EMG1: variants seen among roughly 807,000 people sequenced by gnomAD.
EMG1 encodes EMG1 N1-specific pseudouridine methyltransferase.
Under a neutral mutation model 26.9 loss-of-function variants are expected in EMG1, and 24 were observed. The observed-to-expected ratio is 0.89, with a 90% CI of 0.65 to 1.26. The LOEUF (loss-of-function observed/expected upper bound fraction) is 1.26. EMG1 is among the 50% of genes most tolerant of loss of function. The pLI is 0.00. For synonymous variants in EMG1, 140 were observed against 112.6 expected, an observed-to-expected ratio of 1.24 and a Z score of -1.54; for missense variants, 299 against 307.6, an observed-to-expected ratio of 0.97 and a Z score of 0.21.
chr12:6,973,617 G>A (rs1555152567), intron 1 of EMG1, among the ~76,000 whole-genome samples: 1 of 151,814 alleles, frequency 6.6e-6, no homozygotes, highest in African/African-American at 2.4e-5. Flanking sequence ...GTGCAGTGGC[G>A]CTGCAAGCTC....
downstream of EMG1, chr12:6,981,165 C>T: frequency 1.2e-6 from 2 of 1,609,622 alleles, no homozygotes; most frequent in East Asian, 4.5e-5. Context: ...ATTTCTGTTG[C>T]TCAGAGGACA....
At chr12:6,974,737 GA>G (rs781943238) in intron 3 of EMG1, 44 bp downstream of exon 3, 2 of 1,605,588 alleles carry the variant, frequency 1.2e-6, no homozygotes, top group South Asian at 2.2e-5. Flanking sequence ...TGTCAGTAGG[GA>G]AGAAGGGAGG....
rs1203550655 is a variant in EMG1 at position 6,979,383 on chromosome 12, C to G, written c.*3574C>G. The G allele has an allele frequency of 1.0e-6, 1 of 970,148 alleles. No individual in the cohort carries two copies. The highest frequency in any genetic ancestry group is 1.6e-6 in the Non-Finnish European group (1 of 617,912). The allele number at this position is 970,148 out of a possible 1,614,324, so 60.1% of individuals were successfully genotyped here. A position where few individuals can be genotyped will look rare whatever the true frequency, so the allele number is the denominator to read the frequency against. ...AACATGCACTTGTAGATGATATTTC[C>G]TACTTCTCTGCTATCTGTAGGGATC... On this transcript the variant is annotated 3_prime_UTR_variant, in exon 6 of 6. Coordinates refer to ENST00000599672, the MANE Select transcript of EMG1 (RefSeq NM_006331.8).
chr12:6,971,009 G>C lies in EMG1; in HGVS notation c.86G>C (p.Arg29Pro). The C allele has an allele frequency of 6.2e-7, 1 of 1,611,836 alleles. No homozygotes were observed. Among genetic ancestry groups the C allele is most frequent in the East Asian group, 2.2e-5 (1 of 44,828 alleles). The part of the protein sequence containing the change: ...AQDWDALPPK[R>P]PRLGAGNKIG... ...GACTGGGATGCTCTGCCACCCAAGCGGCCCCGACTAGGGGCAGGAAACAAG... is the reference window on the plus strand; with the variant it reads ...GACTGGGATGCTCTGCCACCCAAGCCGCCCCGACTAGGGGCAGGAAACAAG... Residue 29 changes from arginine to proline, a missense_variant, in exon 1 of 6, where the codon CGG becomes CCG. Physicochemically the swap from Arg to Pro is moderately radical, Grantham distance 103. Coordinates refer to ENST00000599672, the MANE Select transcript of EMG1 (RefSeq NM_006331.8).
rs1341070204 is a variant in EMG1 at position 6,974,617 on chromosome 12, A to G, written c.336A>G (p.Thr112=). The change falls in exon 3 of 6, where the codon ACA becomes ACG. Residue 112 remains threonine (T), a synonymous_variant. Transcript: ENST00000599672. ...GCTTGCTACAGGTTTATATCCATAC[A>G]CAGAAGAATGTTCTGATTGAAGTGA... The part of the protein sequence containing the change: ...RAGLLQVYIH[T]QKNVLIEVNP... 2 of 1,613,984 alleles carry G rather than the reference A, an allele frequency of 1.2e-6. No homozygotes were observed. The highest frequency in any genetic ancestry group is 1.7e-6 in the Non-Finnish European group (2 of 1,179,878).
Position 6,978,381 on chromosome 12 carries a change from T to C in EMG1, c.*2572T>C. 5 of 1,613,566 alleles carry C rather than the reference T, an allele frequency of 3.1e-6. No homozygotes were observed. The highest frequency in any genetic ancestry group is 4.2e-6 in the Non-Finnish European group (5 of 1,179,820). ...TTGGTGTTGATGTTGAATGAGGCAATGGTGCCAGTGAAGCGGGGGTTTGTT... is the reference window on the plus strand; with the variant it reads ...TTGGTGTTGATGTTGAATGAGGCAACGGTGCCAGTGAAGCGGGGGTTTGTT... On this transcript the variant is annotated 3_prime_UTR_variant, in exon 6 of 6. Transcript: ENST00000599672.
chr12:6,982,796 G>A (rs782518117), downstream of EMG1: 4 of 1,577,658 alleles, frequency 2.5e-6, no homozygotes, highest in Non-Finnish European at 3.5e-6. Flanking sequence ...GATGCAAGAA[G>A]AGAGAATTTA....
downstream of EMG1, among the ~76,000 whole-genome samples, chr12:6,990,976 TCAGTAAAAATATTAA>T: frequency 6.6e-6 from 1 of 150,896 alleles, no homozygotes; most frequent in Admixed American, 6.6e-5. Context: ...TATGATTAAT[TCAGTAAAAATATTAA>T]CAGTAAAACT....
rs1555153360 is a variant in EMG1, at chr12:6,977,230, G to A, written c.*1421G>A. On this transcript the variant is annotated 3_prime_UTR_variant, in exon 6 of 6. Transcript: ENST00000599672. This position sits in a 1 kb window ranked among gnomAD's most constrained non-coding sequence, Gnocchi z 4.5. Reference sequence around the variant, plus strand: ...ATATGAATAGTAGGCTCAGGAAGAAGATGTGGCCAAGGAAATAGATGGATT... The same window carrying A: ...ATATGAATAGTAGGCTCAGGAAGAAAATGTGGCCAAGGAAATAGATGGATT... 6.2e-7 allele frequency: 1 copy of A among 1,613,992 alleles called. No homozygotes were observed. Among genetic ancestry groups the A allele is most frequent in the Admixed American group, 1.7e-5 (1 of 60,024 alleles).
chr12:6,979,603 C>T lies in EMG1; in HGVS notation c.*3794C>T. On this transcript the variant is annotated 3_prime_UTR_variant, in exon 6 of 6. Coordinates refer to ENST00000599672, the MANE Select transcript of EMG1 (RefSeq NM_006331.8). The stretch of plus-strand genomic sequence containing the variant: ...TGCTGGAAAGGAACGAGTGAAGTTC[C>T]TGGTCACAGAGAGCAGAGACTATTC... 6.6e-7 allele frequency: 1 copy of T among 1,515,118 alleles called. No individual in the cohort carries two copies. The allele number at this position is 1,515,118 out of a possible 1,614,324, so 93.9% of individuals were successfully genotyped here. A position where few individuals can be genotyped will look rare whatever the true frequency, so the allele number is the denominator to read the frequency against.
downstream of EMG1, among the ~76,000 whole-genome samples, chr12:6,991,243 C>A (rs991505055): frequency 3.9e-5 from 6 of 152,142 alleles, no homozygotes; most frequent in Non-Finnish European, 7.4e-5. Context: ...TTTACACAGA[C>A]AGAGAAAGTA....
downstream of EMG1, chr12:6,982,004 T>A: frequency 1.4e-6 from 1 of 702,776 alleles, no homozygotes; most frequent in Non-Finnish European, 2.5e-6. Context: ...CCTCATCCCA[T>A]CATTAAAAGC....
rs1228664447 is a variant in EMG1 at position 6,977,095 on chromosome 12, T to C, written c.*1286T>C. 1.4e-5 allele frequency: 18 copies of C among 1,246,752 alleles called. No homozygotes were observed. The highest frequency in any genetic ancestry group is 1.9e-5 in the Non-Finnish European group (16 of 847,336). The allele number at this position is 1,246,752 out of a possible 1,614,324, so 77.2% of individuals were successfully genotyped here. On this transcript the variant is annotated 3_prime_UTR_variant, in exon 6 of 6. Coordinates refer to ENST00000599672, the MANE Select transcript of EMG1 (RefSeq NM_006331.8). This position sits in a 1 kb window ranked among gnomAD's most constrained non-coding sequence, Gnocchi z 4.5. ...TTTTCCAGTCTGTTGCTCTATTCTG[T>C]AACCTGGTGGTAGTTTTAGTTTAGC... is the stretch of plus-strand genomic sequence containing the variant.
chr12:6,980,906 C>CT (rs1946463983), downstream of EMG1: 1 of 1,257,196 alleles, frequency 8.0e-7, no homozygotes. Context: ...ACTCAGGTCT[C>CT]TATGCCAGGG....
intron 2 of EMG1, 40 bp from the exon 3 acceptor site, chr12:6,974,512 T>C (rs374746885): frequency 4.3e-6 from 7 of 1,609,516 alleles, no homozygotes; most frequent in Non-Finnish European, 6.0e-6. Context: ...GTGCTGCCTC[T>C]CTTCAGCCTT....
chr12:6,977,477 T>C lies in EMG1; in HGVS notation c.*1668T>C. 6.2e-7 allele frequency: 1 copy of C among 1,614,170 alleles called. No individual in the cohort carries two copies. Among genetic ancestry groups the C allele is most frequent in the Admixed American group, 1.7e-5 (1 of 60,024 alleles). On this transcript the variant is annotated 3_prime_UTR_variant, in exon 6 of 6. Transcript: ENST00000599672. The surrounding 1 kb of genome is among the most constrained non-coding windows in gnomAD (Gnocchi z 4.5). ...TAGTAGAAGGGCTGGAGGACAGTAA[T>C]GGCGGCCAGCTTGCTCAGGGTGGGG...
At chr12:6,973,775 C>T (rs1185564081) in intron 1 of EMG1, among the ~76,000 whole-genome samples, 1 of 152,036 alleles carries the variant, frequency 6.6e-6, no homozygotes, top group Non-Finnish European at 1.5e-5. Flanking sequence ...ATCTCCTGAC[C>T]TTGTGATCTG....
At chr12:6,971,141 C>T (rs782801340) in intron 1 of EMG1, 50 bp downstream of exon 1, 4 of 1,500,438 alleles carry the variant, frequency 2.7e-6, no homozygotes, top group South Asian at 2.4e-5. Flanking sequence ...GGTTGGGACT[C>T]CGTGGAATGA....
rs1946543862 is a variant in EMG1, at chr12:6,987,879, T to C, written c.*211+41T>C. 3 of 400,614 alleles carry C rather than the reference T, an allele frequency of 7.5e-6. No individual in the cohort carries two copies. Among genetic ancestry groups the C allele is most frequent in the South Asian group, 2.5e-4 (2 of 7,948 alleles). The allele number at this position is 400,614 out of a possible 1,614,324, so 24.8% of individuals were successfully genotyped here. ...TGCCTGACTCTAACAAGGCCTACAC[T>C]GTCCTGAGTTCTGAGTTCTTGTGTC... On this transcript the variant is annotated intron_variant and NMD_transcript_variant, in intron 7 of 7. Coordinates refer to the EMG1 transcript ENST00000261406. The surrounding 1 kb of genome is among the most constrained non-coding windows in gnomAD (Gnocchi z 4.1).
Sources: allele counts gnomAD v4.1 joint callset (sites outside exome capture counted in the v4.1 genomes callset), GRCh38; gene constraint gnomAD v4.1.1; non-coding constraint Gnocchi (gnomAD v3.1); transcripts MANE v1.5; gene names NCBI Gene and HGNC (gene_info 2026-07-23, HGNC 2026-07-21).